Variants in DOCK3 observed in about 807,000 individuals in gnomAD.
The protein encoded by DOCK3 is dedicator of cytokinesis protein 3.
DOCK3 carries 60 observed loss-of-function variants against 265.6 expected under a neutral mutation model. That is an observed-to-expected ratio of 0.23 (90% CI 0.18 to 0.28). The LOEUF is 0.28. DOCK3 is among the 10% of genes least tolerant of loss of function. The probability of loss-of-function intolerance (pLI) is 1.00; values close to 1 mark genes in which losing one functional copy is unlikely to be tolerated. For missense variants in DOCK3, 1,981 were observed against 2,594.3 expected (o/e 0.76, Z 5.14); for synonymous variants, 881 against 938.0 (o/e 0.94, Z 1.11).
chr3:51,312,112 T>G, intron 29 of DOCK3, 33 bp downstream of exon 29: 1 of 1,558,368 alleles, frequency 6.4e-7, no homozygotes. Context: ...TCACTATTAT[T>G]GCAATAACCT....
At chr3:51,025,773 T>C (rs1383311878) in intron 5 of DOCK3, among the ~76,000 whole-genome samples, 1 of 152,244 alleles carries the variant, frequency 6.6e-6, no homozygotes, top group Admixed American at 6.5e-5. Context: ...AGACTGGGAA[T>C]GCCTGCAAGC....
intron 5 of DOCK3, among the ~76,000 whole-genome samples, chr3:50,945,156 G>T (rs555785866): frequency 6.6e-6 from 1 of 152,224 alleles, no homozygotes; most frequent in African/African-American, 2.4e-5. Flanking sequence ...TTTTGACTGT[G>T]AATTTTTCCT....
intron 23 of DOCK3, 69 bp downstream of exon 23, chr3:51,260,395 G>C: frequency 1.1e-5 from 16 of 1,483,358 alleles, no homozygotes; most frequent in Non-Finnish European, 1.3e-5. Flanking sequence ...TTTGTCCTCT[G>C]GTTTTCAGAG....
chr3:51,033,246 A>T (rs1397359419), intron 5 of DOCK3, among the ~76,000 whole-genome samples: 1 of 152,154 alleles, frequency 6.6e-6, no homozygotes, highest in Non-Finnish European at 1.5e-5. Context: ...TTTCCCAGGC[A>T]TTTTTCTGCT....
intron 22 of DOCK3, among the ~76,000 whole-genome samples, chr3:51,258,591 C>T (rs973359748): frequency 6.6e-6 from 1 of 152,056 alleles, no homozygotes; most frequent in African/African-American, 2.4e-5. Context: ...GCAAGCTCCA[C>T]CTCCTGGGTT....
intron 27 of DOCK3, among the ~76,000 whole-genome samples, chr3:51,283,803 G>A (rs2081267908): frequency 6.6e-6 from 1 of 152,104 alleles, no homozygotes; most frequent in Non-Finnish European, 1.5e-5. Context: ...AAAGGGGACT[G>A]GCATATGTGT....
At chr3:50,725,187 T>A (rs964449481) in intron 1 of DOCK3, among the ~76,000 whole-genome samples, 9 of 152,282 alleles carry the variant, frequency 5.9e-5, no homozygotes, top group African/African-American at 2.2e-4. Context: ...CAACATCTTA[T>A]GGCGTTTATC....
chr3:50,760,132 T>G (rs751521529), intron 1 of DOCK3, among the ~76,000 whole-genome samples: 1 of 152,160 alleles, frequency 6.6e-6, no homozygotes, highest in African/African-American at 2.4e-5. Context: ...CAGTTATAGC[T>G]TTTACTTTTA....
intron 22 of DOCK3, among the ~76,000 whole-genome samples, chr3:51,253,983 T>C (rs559850263): frequency 2.0e-5 from 3 of 152,334 alleles, no homozygotes; most frequent in Non-Finnish European, 4.4e-5. Flanking sequence ...AGATCTTTCC[T>C]GTTTTCTCCT....
chr3:51,147,204 T>G (rs1183076693), intron 10 of DOCK3, among the ~76,000 whole-genome samples: 2 of 152,218 alleles, frequency 1.3e-5, no homozygotes, highest in African/African-American at 4.8e-5. Context: ...CTGTATAATT[T>G]CTGATGCATA....
intron 36 of DOCK3, 98 bp downstream of exon 36, chr3:51,338,517 C>A (rs958836761): frequency 7.2e-6 from 10 of 1,388,928 alleles, no homozygotes; most frequent in African/African-American, 5.7e-5. Context: ...TGGCTGCAGG[C>A]CTAAGGGTTT....
chr3:50,952,927 G>A (rs1225094803), intron 5 of DOCK3, among the ~76,000 whole-genome samples: 1 of 152,072 alleles, frequency 6.6e-6, no homozygotes, highest in Non-Finnish European at 1.5e-5. Context: ...TGAGTATGTG[G>A]CATGTATGAA....
At chr3:50,753,102 T>C (rs1013169142) in intron 1 of DOCK3, among the ~76,000 whole-genome samples, 1 of 152,200 alleles carries the variant, frequency 6.6e-6, no homozygotes, top group Non-Finnish European at 1.5e-5. Context: ...GTTTTTTTGA[T>C]GAAATTCAAA....
intron 1 of DOCK3, chr3:50,719,522 G>A: frequency 9.6e-7 from 1 of 1,046,934 alleles, no homozygotes. Context: ...CTTCTCACTG[G>A]TCTTGCCGTT....
chr3:51,327,154 T>A (rs2084181932), intron 32 of DOCK3, among the ~76,000 whole-genome samples: 1 of 152,150 alleles, frequency 6.6e-6, no homozygotes, highest in Non-Finnish European at 1.5e-5. Flanking sequence ...CATACCTGCC[T>A]CCTCTGCCAG....
At chr3:51,050,273 G>C (rs1385743158) in intron 5 of DOCK3, among the ~76,000 whole-genome samples, 1 of 152,108 alleles carries the variant, frequency 6.6e-6, no homozygotes, top group Admixed American at 6.6e-5. Flanking sequence ...TGTAGTCCTA[G>C]CTACTCGGGA....
chr3:50,868,078 C>CTTT (rs71633039), intron 3 of DOCK3, among the ~76,000 whole-genome samples: 7 of 141,210 alleles, frequency 5.0e-5, no homozygotes, highest in Non-Finnish European at 7.8e-5. Flanking sequence ...TGGGAGACTT[C>CTTT]TTTTTTTTTT....
At chr3:51,281,935 A>G (rs1218833170) in intron 27 of DOCK3, among the ~76,000 whole-genome samples, 1 of 152,192 alleles carries the variant, frequency 6.6e-6, no homozygotes, top group Non-Finnish European at 1.5e-5. Context: ...AGGATTCCTC[A>G]GCAAGGCTAG....
chr3:51,082,462 G>A (rs2082275815), intron 7 of DOCK3, among the ~76,000 whole-genome samples: 1 of 152,152 alleles, frequency 6.6e-6, no homozygotes, highest in Admixed American at 6.5e-5. Flanking sequence ...GTGCACCTAG[G>A]AGACTGCCCC....
Sources: gnomAD v4.1 joint callset for allele counts (sites outside exome capture counted in the v4.1 genomes callset) on GRCh38, gnomAD v4.1.1 for gene constraint, MANE v1.5 for transcripts, NCBI Gene and HGNC (gene_info 2026-07-23, HGNC 2026-07-21) for gene names.